Variants in SLC71A2 observed in about 807,000 individuals in gnomAD.
The protein encoded by SLC71A2 is hippocampus abundant transcript-like 1.
the SLC71A2 span, chr9:94,446,885 A>G: frequency 4.9e-5 from 79 of 1,612,940 alleles, 3 homozygotes; most frequent in Middle Eastern, 8.3e-4. Context: ...TGTTTCTTTC[A>G]TACCTTCCTG....
the SLC71A2 span, among the ~76,000 whole-genome samples, chr9:94,444,608 TAAAG>T: frequency 6.6e-6 from 1 of 152,216 alleles, no homozygotes; most frequent in Admixed American, 6.5e-5. Context: ...GGTCCCCAGT[TAAAG>T]AAGACCAAAG....
At chr9:94,379,463 T>A in the SLC71A2 span, among the ~76,000 whole-genome samples, 2 of 144,128 alleles carry the variant, frequency 1.4e-5, no homozygotes, top group Non-Finnish European at 3.0e-5. Context: ...AATCATAGCT[T>A]GCTGTAACCT....
the SLC71A2 span, among the ~76,000 whole-genome samples, chr9:94,422,373 T>C: frequency 6.6e-6 from 1 of 152,366 alleles, no homozygotes; most frequent in South Asian, 2.1e-4. Context: ...AGCAAATTGC[T>C]GAACTTAGAG....
At chr9:94,387,820 C>G in the SLC71A2 span, among the ~76,000 whole-genome samples, 2 of 152,104 alleles carry the variant, frequency 1.3e-5, no homozygotes, top group Admixed American at 6.5e-5. Context: ...GTAGTCACTC[C>G]GTGCCTAAAT....
chr9:94,453,685 T>C, the SLC71A2 span, among the ~76,000 whole-genome samples: 5 of 152,152 alleles, frequency 3.3e-5, no homozygotes, highest in African/African-American at 1.2e-4. Flanking sequence ...GGTGAACAGT[T>C]GTGATATCCT....
the SLC71A2 span, among the ~76,000 whole-genome samples, chr9:94,390,236 T>G: frequency 6.6e-6 from 1 of 150,712 alleles, no homozygotes; most frequent in Non-Finnish European, 1.5e-5. Flanking sequence ...AGGTTCTCGT[T>G]TGTGTGATAA....
chr9:94,455,355 C>T, the SLC71A2 span, among the ~76,000 whole-genome samples: 4 of 141,802 alleles, frequency 2.8e-5, no homozygotes, highest in South Asian at 9.2e-4. Flanking sequence ...TTTTTTTTTA[C>T]ACCATGCCTG....
the SLC71A2 span, among the ~76,000 whole-genome samples, chr9:94,388,373 G>A: frequency 1.9e-4 from 29 of 152,242 alleles, no homozygotes; most frequent in Admixed American, 1.3e-3. Flanking sequence ...TAAAAAAAAG[G>A]CCATACCCAT....
the SLC71A2 span, among the ~76,000 whole-genome samples, chr9:94,443,597 T>TTGAAGAA: frequency 1.3e-5 from 2 of 152,176 alleles, no homozygotes; most frequent in African/African-American, 4.8e-5. Context: ...CAGAGTTGTA[T>TTGAAGAA]TGAATGTTAA....
the SLC71A2 span, among the ~76,000 whole-genome samples, chr9:94,409,211 C>T: frequency 7.8e-6 from 1 of 128,476 alleles, no homozygotes; most frequent in South Asian, 2.6e-4. Flanking sequence ...ATGATGATGG[C>T]TCATTGCACC....
chr9:94,398,607 C>T, the SLC71A2 span, among the ~76,000 whole-genome samples: 4 of 151,404 alleles, frequency 2.6e-5, no homozygotes, highest in African/African-American at 7.3e-5. Flanking sequence ...TTTGGGAGTT[C>T]CTTCACACCC....
At chr9:94,398,831 T>G in the SLC71A2 span, among the ~76,000 whole-genome samples, 23,018 of 122,978 alleles carry the variant, frequency 0.19, 2,433 homozygotes, top group Middle Eastern at 0.27. Context: ...CCCTCCGAGA[T>G]GGAGTCTTGC....
the SLC71A2 span, among the ~76,000 whole-genome samples, chr9:94,390,275 A>G: frequency 0.69 from 99,149 of 144,670 alleles, 34,469 homozygotes; most frequent in Middle Eastern, 0.76. Flanking sequence ...AGGGAAACAG[A>G]CATAATGGAA....
chr9:94,403,229 C>T, the SLC71A2 span, among the ~76,000 whole-genome samples: 3 of 152,082 alleles, frequency 2.0e-5, no homozygotes, highest in African/African-American at 4.8e-5. Context: ...CTCCGCCTGC[C>T]GGGTTCAAGT....
At chr9:94,424,211 T>C in the SLC71A2 span, among the ~76,000 whole-genome samples, 1 of 152,008 alleles carries the variant, frequency 6.6e-6, no homozygotes, top group African/African-American at 2.4e-5. Flanking sequence ...CCATCCTGTG[T>C]TAACTTCTAT....
chr9:94,416,768 T>TG, the SLC71A2 span, among the ~76,000 whole-genome samples: 1 of 151,940 alleles, frequency 6.6e-6, no homozygotes, highest in East Asian at 1.9e-4. Flanking sequence ...GCAGGAGAAT[T>TG]GCTTGGACCC....
the SLC71A2 span, among the ~76,000 whole-genome samples, chr9:94,414,803 A>C: frequency 6.6e-6 from 1 of 152,052 alleles, no homozygotes; most frequent in Non-Finnish European, 1.5e-5. Flanking sequence ...GGGACCAAGT[A>C]GCCTGCCACC....
At chr9:94,455,896 A>C in the SLC71A2 span, among the ~76,000 whole-genome samples, 1 of 152,164 alleles carries the variant, frequency 6.6e-6, no homozygotes, top group Non-Finnish European at 1.5e-5. Flanking sequence ...AGTGGAGAAA[A>C]TGTGGTATTT....
the SLC71A2 span, among the ~76,000 whole-genome samples, chr9:94,388,757 T>C: frequency 6.6e-6 from 1 of 152,142 alleles, no homozygotes; most frequent in African/African-American, 2.4e-5. Flanking sequence ...GATTTTAATA[T>C]AATTTCTTGC....
Sources: allele counts gnomAD v4.1 joint callset (sites outside exome capture counted in the v4.1 genomes callset), GRCh38; gene constraint gnomAD v4.1.1; transcripts MANE v1.5; gene names NCBI Gene and HGNC (gene_info 2026-07-23, HGNC 2026-07-21).